The following INPP4B variants were observed in gnomAD, a reference collection of about 807,000 sequenced individuals.
The protein encoded by INPP4B is inositol polyphosphate 4-phosphatase type II.
INPP4B carries 55 observed loss-of-function variants against 122.5 expected under a neutral mutation model. The observed-to-expected ratio is 0.45, with a 90% CI of 0.36 to 0.56. INPP4B has a LOEUF of 0.56. Ranked by LOEUF, INPP4B falls within the 20% of genes least tolerant of loss-of-function variation. The pLI is 0.00. For synonymous variants in INPP4B, 403 were observed against 388.7 expected (o/e 1.04, Z -0.43); for missense variants, 1,000 against 1,097.7 (o/e 0.91, Z 1.26).
intron 2 of INPP4B, among the ~76,000 whole-genome samples, chr4:142,495,038 G>GC (rs1822360338): frequency 6.6e-6 from 1 of 152,032 alleles, no homozygotes; most frequent in African/African-American, 2.4e-5. Context: ...GAAAGCAGTT[G>GC]TTTTTTTAAG....
chr4:142,668,673 C>T (rs976799377), intron 2 of INPP4B, among the ~76,000 whole-genome samples: 7 of 152,038 alleles, frequency 4.6e-5, no homozygotes, highest in South Asian at 2.1e-4. Context: ...AATCTACATA[C>T]AAAAATTAGT....
At chr4:142,558,249 T>C (rs1729642063) in intron 2 of INPP4B, among the ~76,000 whole-genome samples, 1 of 152,172 alleles carries the variant, frequency 6.6e-6, no homozygotes, top group African/African-American at 2.4e-5. Flanking sequence ...AGGTCACTTA[T>C]TGTCCATTTT....
intron 1 of INPP4B, among the ~76,000 whole-genome samples, chr4:142,763,708 T>A (rs542540942): frequency 7.9e-5 from 12 of 152,300 alleles, no homozygotes; most frequent in Middle Eastern, 3.4e-3. Context: ...TAGCTGTGTA[T>A]ACTACCAAAG....
chr4:142,582,637 G>A (rs925227099), intron 2 of INPP4B, among the ~76,000 whole-genome samples: 1 of 152,080 alleles, frequency 6.6e-6, no homozygotes, highest in South Asian at 2.1e-4. Context: ...GAGGAAAGGA[G>A]GTCTTTTGTA....
chr4:142,327,524 C>A (rs1772871777), intron 7 of INPP4B, among the ~76,000 whole-genome samples: 1 of 151,854 alleles, frequency 6.6e-6, no homozygotes, highest in African/African-American at 2.4e-5. Context: ...TGTGTCCAGG[C>A]AAAACTGGGA....
In INPP4B at chr4:142,701,696, G is replaced by A. The variant is rs1057088699; in HGVS notation, c.-191+24143C>T. ...CCATTGCTTATAATCAAGCTCAGGA[G>A]TAAGGAGTTAGTACCTCTACCTTGA... On this transcript the variant is annotated intron_variant, in intron 2 of 25. Coordinates refer to ENST00000262992, the MANE Select transcript of INPP4B (RefSeq NM_001101669.3). Among the ~76,000 whole-genome samples, 4 of 152,114 alleles carry A rather than the reference G, an allele frequency of 2.6e-5. No homozygotes were observed. The Middle Eastern group carries it at 0.014, about 517-fold the overall frequency.
At chr4:142,151,433 A>AATACCTGATG (rs767571145) in intron 17 of INPP4B, among the ~76,000 whole-genome samples, 2 of 152,144 alleles carry the variant, frequency 1.3e-5, no homozygotes, top group Non-Finnish European at 2.9e-5. Flanking sequence ...CTTATGTAAA[A>AATACCTGATG]ATACCTGACC....
intron 1 of INPP4B, among the ~76,000 whole-genome samples, chr4:142,822,540 G>T (rs1780914521): frequency 6.6e-6 from 1 of 152,132 alleles, no homozygotes; most frequent in African/African-American, 2.4e-5. Flanking sequence ...GCATGCAGGG[G>T]ATCTGGGATG....
intron 11 of INPP4B, among the ~76,000 whole-genome samples, chr4:142,245,781 T>C (rs1479257654): frequency 7.1e-6 from 1 of 140,450 alleles, no homozygotes; most frequent in African/African-American, 3.1e-5. Flanking sequence ...TGTATATATA[T>C]ATGTGTGTAT....
At chr4:142,670,863 C>T (rs917688992) in intron 2 of INPP4B, among the ~76,000 whole-genome samples, 4 of 152,098 alleles carry the variant, frequency 2.6e-5, no homozygotes, top group Admixed American at 1.3e-4. Context: ...TAGAATCAGT[C>T]ATTCCACAAA....
chr4:142,268,322 CAAAAAAAAAAAA>C (rs56908599), intron 10 of INPP4B, among the ~76,000 whole-genome samples: 3 of 6,898 alleles, frequency 4.3e-4, no homozygotes, highest in African/African-American at 8.4e-4. Context: ...GACTCCGTCT[CAAAAAAAAAAAA>C]AAAAAAAAAA....
intron 15 of INPP4B, among the ~76,000 whole-genome samples, chr4:142,183,358 T>C (rs1033290724): frequency 2.0e-5 from 3 of 152,206 alleles, no homozygotes; most frequent in African/African-American, 7.2e-5. Flanking sequence ...GAAGAGGACA[T>C]TGAAATAATT....
intron 2 of INPP4B, among the ~76,000 whole-genome samples, chr4:142,601,413 T>C (rs890595921): frequency 5.9e-5 from 9 of 151,870 alleles, no homozygotes; most frequent in African/African-American, 1.9e-4. Flanking sequence ...TTGGAAACTA[T>C]GCAAAAACAT....
intron 2 of INPP4B, among the ~76,000 whole-genome samples, chr4:142,497,476 C>T (rs1458015678): frequency 6.6e-6 from 1 of 152,156 alleles, no homozygotes; most frequent in Non-Finnish European, 1.5e-5. Context: ...CAATTATGAT[C>T]TCCAATACTT....
intron 2 of INPP4B, among the ~76,000 whole-genome samples, chr4:142,690,898 A>G (rs1324967007): frequency 1.3e-5 from 2 of 152,170 alleles, no homozygotes; most frequent in Non-Finnish European, 2.9e-5. Flanking sequence ...CTTGTCCCTC[A>G]AAGCTATTTT....
chr4:142,050,764 A>G (rs1015206330), intron 25 of INPP4B, among the ~76,000 whole-genome samples: 1 of 152,064 alleles, frequency 6.6e-6, no homozygotes, highest in African/African-American at 2.4e-5. Flanking sequence ...CATGTCTGGC[A>G]TATGTTAAAT....
intron 15 of INPP4B, among the ~76,000 whole-genome samples, chr4:142,192,804 T>C (rs1836561436): frequency 6.6e-6 from 1 of 152,156 alleles, no homozygotes; most frequent in Admixed American, 6.6e-5. Flanking sequence ...TGAACACTCC[T>C]TTGAGCAAGC....
chr4:142,516,461 T>A (rs1825423166), intron 2 of INPP4B, among the ~76,000 whole-genome samples: 1 of 152,166 alleles, frequency 6.6e-6, no homozygotes, highest in Non-Finnish European at 1.5e-5. Flanking sequence ...AGCCCCATAA[T>A]CATCTTCTTT....
Position 142,145,761 on chromosome 4 carries a change from T to C in INPP4B, c.1720+79A>G. 3 of 1,409,790 alleles carry C rather than the reference T, an allele frequency of 2.1e-6. No homozygotes were observed. In the South Asian group the frequency reaches 3.8e-5, roughly 18 times the overall value. The allele number at this position is 1,409,790 out of a possible 1,614,324, so 87.3% of individuals were successfully genotyped here. A position where few individuals can be genotyped will look rare whatever the true frequency, so the allele number is the denominator to read the frequency against. On this transcript the variant is annotated intron_variant, in intron 18 of 25. Coordinates refer to ENST00000262992, the MANE Select transcript of INPP4B (RefSeq NM_001101669.3). ...CATCAAAGATACTATTGACTCCTCT[T>C]CTTCTATATCATTTTTTTTTCACGA... is the stretch of plus-strand genomic sequence containing the variant.
Sources: allele counts gnomAD v4.1 joint callset (sites outside exome capture counted in the v4.1 genomes callset), GRCh38; gene constraint gnomAD v4.1.1; transcripts MANE v1.5; gene names NCBI Gene and HGNC (gene_info 2026-07-23, HGNC 2026-07-21).